The following ST8SIA6 variants were observed in gnomAD, a reference collection of about 807,000 sequenced individuals.
The protein encoded by ST8SIA6 is ST8 alpha-N-acetyl-neuraminide alpha-2,8-sialyltransferase 6.
In ST8SIA6, 39 loss-of-function variants were observed where a neutral mutation model predicts 33.6. The observed-to-expected ratio is 1.16, with a 90% CI of 0.90 to 1.52. The LOEUF (loss-of-function observed/expected upper bound fraction) is 1.52, where lower values mean the gene tolerates loss of function less well. Among genes scored for constraint, ST8SIA6 ranks in the 40% most tolerant of loss-of-function variants. ST8SIA6 has a pLI of 0.00. For missense variants in ST8SIA6, 441 were observed against 443.8 expected, an observed-to-expected ratio of 0.99 and a Z score of 0.06; for synonymous variants, 172 against 167.2, an observed-to-expected ratio of 1.03 and a Z score of -0.22.
At chr10:17,450,553 C>G (rs947937980) in intron 2 of ST8SIA6, among the ~76,000 whole-genome samples, 3 of 152,168 alleles carry the variant, frequency 2.0e-5, no homozygotes, top group Admixed American at 6.5e-5. Context: ...CGATTCTCAC[C>G]TCTCAGCCTC....
At chr10:17,385,505 C>T (rs1425322277) in intron 3 of ST8SIA6, among the ~76,000 whole-genome samples, 1 of 149,916 alleles carries the variant, frequency 6.7e-6, no homozygotes, top group Admixed American at 6.7e-5. Context: ...GGGGTGGGGG[C>T]AGTTTTATAG....
intron 3 of ST8SIA6, among the ~76,000 whole-genome samples, chr10:17,367,181 C>T (rs61137290): frequency 1.3e-3 from 191 of 152,186 alleles, no homozygotes; most frequent in African/African-American, 4.4e-3. Context: ...TGAAGAAATA[C>T]CCAAGACTGG....
intron 4 of ST8SIA6, among the ~76,000 whole-genome samples, chr10:17,333,694 T>TATAG (rs1848384678): frequency 7.8e-5 from 2 of 25,758 alleles, no homozygotes; most frequent in Admixed American, 5.2e-4. Context: ...TATATATATA[T>TATAG]ATATATATAT....
chr10:17,379,769 C>A (rs945115442), intron 3 of ST8SIA6, among the ~76,000 whole-genome samples: 1 of 152,152 alleles, frequency 6.6e-6, no homozygotes, highest in Non-Finnish European at 1.5e-5. Context: ...GCCCGACCAC[C>A]TTGGGCACGT....
intron 2 of ST8SIA6, among the ~76,000 whole-genome samples, chr10:17,429,252 C>T (rs1852029163): frequency 6.6e-6 from 1 of 152,046 alleles, no homozygotes; most frequent in African/African-American, 2.4e-5. Context: ...ATCACCACGA[C>T]TAACCCCACC....
intron 2 of ST8SIA6, among the ~76,000 whole-genome samples, chr10:17,448,449 A>G (rs1852793719): frequency 6.6e-6 from 1 of 152,234 alleles, no homozygotes; most frequent in South Asian, 2.1e-4. Flanking sequence ...AATCATAGCC[A>G]AGACATGGAT....
chr10:17,336,728 T>G (rs7893274), intron 4 of ST8SIA6, among the ~76,000 whole-genome samples: 53,373 of 150,966 alleles, frequency 0.35, 10,813 homozygotes, highest in African/African-American at 0.54. Context: ...CGAATAGATG[T>G]GATTACAGGT....
intron 2 of ST8SIA6, among the ~76,000 whole-genome samples, chr10:17,452,413 A>G (rs1852944984): frequency 6.6e-6 from 1 of 152,226 alleles, no homozygotes; most frequent in Non-Finnish European, 1.5e-5. Flanking sequence ...TGCAAGAGAT[A>G]AAAAGAGGAA....
chr10:17,379,141 AAC>A (rs1491295734), intron 3 of ST8SIA6, among the ~76,000 whole-genome samples: 1,441 of 126,976 alleles, frequency 0.011, 18 homozygotes, highest in African/African-American at 0.031. Context: ...AAAAAACAAA[AAC>A]AAAAAAAACC....
chr10:17,447,426 G>T (rs544730072), intron 2 of ST8SIA6, among the ~76,000 whole-genome samples: 16 of 151,258 alleles, frequency 1.1e-4, no homozygotes, highest in African/African-American at 3.4e-4. Flanking sequence ...AAAACAAAAA[G>T]AATTATGTCC....
At chr10:17,432,058 T>C (rs1015641389) in intron 2 of ST8SIA6, among the ~76,000 whole-genome samples, 2 of 151,882 alleles carry the variant, frequency 1.3e-5, no homozygotes, top group Admixed American at 1.3e-4. Flanking sequence ...ATCTGGGGGA[T>C]GCTCATGAAA....
intron 4 of ST8SIA6, among the ~76,000 whole-genome samples, chr10:17,357,555 A>G (rs1024646185): frequency 6.6e-6 from 1 of 152,012 alleles, no homozygotes; most frequent in East Asian, 1.9e-4. Flanking sequence ...CTCTCAGCCA[A>G]ATTTTGCTTT....
intron 3 of ST8SIA6, among the ~76,000 whole-genome samples, chr10:17,380,263 A>G (rs1313349905): frequency 6.6e-6 from 1 of 152,168 alleles, no homozygotes; most frequent in African/African-American, 2.4e-5. Context: ...ACAGCTTGAG[A>G]CCCATGACTA....
intron 2 of ST8SIA6, among the ~76,000 whole-genome samples, chr10:17,437,767 G>A (rs1390715478): frequency 7.2e-6 from 1 of 138,418 alleles, no homozygotes; most frequent in African/African-American, 2.7e-5. Flanking sequence ...TCTTTCTTCT[G>A]TCACCCAGGC....
chr10:17,395,942 G>A (rs1374994287), intron 2 of ST8SIA6, among the ~76,000 whole-genome samples: 1 of 152,120 alleles, frequency 6.6e-6, no homozygotes, highest in African/African-American at 2.4e-5. Flanking sequence ...CATCAGAACT[G>A]CCAAACTATA....
chr10:17,363,583 C>G (rs545492039), intron 3 of ST8SIA6, among the ~76,000 whole-genome samples: 3 of 152,318 alleles, frequency 2.0e-5, no homozygotes, highest in African/African-American at 7.2e-5. Context: ...TGAGGATCCT[C>G]TCGTCCTTTC....
rs941669674 is a variant in ST8SIA6, at chr10:17,320,665, T to G, written c.*213A>C. Reference sequence around the variant, plus strand: ...CATAAATTATAAAAATTTGTATGAGTCAGATATGGTGTCCATGTTATAAGG... The same window carrying G: ...CATAAATTATAAAAATTTGTATGAGGCAGATATGGTGTCCATGTTATAAGG... On this transcript the variant is annotated 3_prime_UTR_variant, in exon 8 of 8. Transcript: ENST00000377602. The G allele has an allele frequency of 8.7e-6, 4 of 457,420 alleles. No individual in the cohort carries two copies. Among genetic ancestry groups the G allele is most frequent in the South Asian group, 3.5e-5 (1 of 28,524 alleles). 28.3% of individuals were successfully genotyped at this position (457,420 alleles called of 1,614,324 possible). A position where few individuals can be genotyped will look rare whatever the true frequency, so the allele number is the denominator to read the frequency against.
At chr10:17,400,639 A>C (rs904605234) in intron 2 of ST8SIA6, among the ~76,000 whole-genome samples, 1 of 152,224 alleles carries the variant, frequency 6.6e-6, no homozygotes, top group African/African-American at 2.4e-5. Context: ...GCAAATCACT[A>C]AACGTAATCC....
chr10:17,380,775 T>A (rs693982), intron 3 of ST8SIA6, among the ~76,000 whole-genome samples: 21,353 of 114,286 alleles, frequency 0.19, 2,635 homozygotes, highest in East Asian at 0.49. Flanking sequence ...GTGTATGTGT[T>A]CATGTTTGTG....
Sources: gnomAD v4.1 joint callset for allele counts (sites outside exome capture counted in the v4.1 genomes callset) on GRCh38, gnomAD v4.1.1 for gene constraint, MANE v1.5 for transcripts, NCBI Gene and HGNC (gene_info 2026-07-23, HGNC 2026-07-21) for gene names.